CNTNAP2: variants seen among roughly 807,000 people sequenced by gnomAD.
CNTNAP2 encodes contactin associated protein 2, also known as contactin-associated protein-like 2.
CNTNAP2 carries 98 observed loss-of-function variants against 155.2 expected under a neutral mutation model. That is an observed-to-expected ratio of 0.63 (90% CI 0.54 to 0.75). The LOEUF is 0.75. CNTNAP2 is among the 30% of genes least tolerant of loss of function. The pLI, the probability that CNTNAP2 is intolerant of heterozygous loss-of-function variation, is 0.00. For synonymous variants in CNTNAP2, 651 were observed against 631.2 expected, an observed-to-expected ratio of 1.03 and a Z score of -0.47; for missense variants, 1,727 against 1,688.1, an observed-to-expected ratio of 1.02 and a Z score of -0.40.
intron 2 of CNTNAP2, among the ~76,000 whole-genome samples, chr7:146,830,291 C>G (rs1384168153): frequency 1.3e-5 from 2 of 151,994 alleles, no homozygotes; most frequent in African/African-American, 4.8e-5. Context: ...AGAATCACTT[C>G]TAGAACAATT....
At chr7:146,833,080 T>C (rs1221590263) in intron 2 of CNTNAP2, among the ~76,000 whole-genome samples, 1 of 152,184 alleles carries the variant, frequency 6.6e-6, no homozygotes, top group Non-Finnish European at 1.5e-5. Flanking sequence ...AACTTTTGCA[T>C]TTCTAAAACT....
intron 1 of CNTNAP2, among the ~76,000 whole-genome samples, chr7:146,675,349 T>C (rs1800380740): frequency 6.6e-6 from 1 of 152,192 alleles, no homozygotes; most frequent in Non-Finnish European, 1.5e-5. Flanking sequence ...AAACCTGATA[T>C]GTATTTACAT....
At chr7:148,062,750 T>G (rs1377970134) in intron 15 of CNTNAP2, among the ~76,000 whole-genome samples, 1 of 152,128 alleles carries the variant, frequency 6.6e-6, no homozygotes, top group Non-Finnish European at 1.5e-5. Context: ...AAAAATGAGT[T>G]AAGGCTAGAA....
At chr7:146,726,485 G>C (rs1464259562) in intron 1 of CNTNAP2, among the ~76,000 whole-genome samples, 1 of 151,878 alleles carries the variant, frequency 6.6e-6, no homozygotes, top group Non-Finnish European at 1.5e-5. Context: ...ATTTTCAATT[G>C]TATAACAAGT....
rs151149079 is a variant in CNTNAP2 at position 147,151,613 on chromosome 7, G to A, written c.1348+19104G>A. On this transcript the variant is annotated intron_variant, in intron 8 of 23. Coordinates refer to ENST00000361727, the MANE Select transcript of CNTNAP2 (RefSeq NM_014141.6). ...GTGTTTCCATTCTTCACTTTCACCTGTGTAAACATAATTGTTTTGTTTCTT... is the reference window on the plus strand; with the variant it reads ...GTGTTTCCATTCTTCACTTTCACCTATGTAAACATAATTGTTTTGTTTCTT... Among the ~76,000 whole-genome samples the A allele has an allele frequency of 9.0e-4, 137 of 151,954 alleles. 1 individual carries two copies. Among genetic ancestry groups the A allele is most frequent in the African/African-American group, 3.0e-3 (124 of 41,442 alleles).
chr7:147,803,151 T>C (rs891331102), intron 13 of CNTNAP2, among the ~76,000 whole-genome samples: 8 of 152,166 alleles, frequency 5.3e-5, no homozygotes, highest in African/African-American at 1.7e-4. Context: ...AAAAATGTTT[T>C]TACTGAGAAT....
intron 1 of CNTNAP2, among the ~76,000 whole-genome samples, chr7:146,651,483 T>C (rs1380423532): frequency 1.3e-5 from 2 of 152,272 alleles, no homozygotes; most frequent in Non-Finnish European, 2.9e-5. Context: ...ACGTACTTTG[T>C]TATTGATAGT....
chr7:147,744,673 G>T (rs561924605), intron 13 of CNTNAP2, among the ~76,000 whole-genome samples: 78 of 152,292 alleles, frequency 5.1e-4, no homozygotes, highest in African/African-American at 1.8e-3. Flanking sequence ...TACCCTCAGG[G>T]TTGTTTTCTG....
intron 1 of CNTNAP2, among the ~76,000 whole-genome samples, chr7:146,740,311 C>T (rs1302650427): frequency 6.6e-6 from 1 of 150,400 alleles, no homozygotes; most frequent in Non-Finnish European, 1.5e-5. Flanking sequence ...TAATTTAATC[C>T]CTCTAATGAA....
chr7:148,283,307 G>GAAAA (rs869305935), intron 21 of CNTNAP2, among the ~76,000 whole-genome samples: 2 of 58,336 alleles, frequency 3.4e-5, no homozygotes, highest in Admixed American at 1.7e-4. Flanking sequence ...AAGAAAGAAA[G>GAAAA]GAAGGAAGGA....
intron 1 of CNTNAP2, among the ~76,000 whole-genome samples, chr7:146,604,922 T>G (rs347192): frequency 0.65 from 65,719 of 101,778 alleles, 21,955 homozygotes; most frequent in African/African-American, 0.81. Flanking sequence ...TGGGGACTGT[T>G]GTGGGGTGGG....
At chr7:146,638,732 G>C (rs939965487) in intron 1 of CNTNAP2, among the ~76,000 whole-genome samples, 2 of 151,452 alleles carry the variant, frequency 1.3e-5, no homozygotes, top group African/African-American at 4.8e-5. Flanking sequence ...TGATCCACCC[G>C]CCTCGGCCTC....
At chr7:148,303,499 G>A (rs775856704) in intron 21 of CNTNAP2, among the ~76,000 whole-genome samples, 23 of 152,136 alleles carry the variant, frequency 1.5e-4, no homozygotes, top group Non-Finnish European at 1.6e-4. Flanking sequence ...TAAGTCCCTC[G>A]GGGCCTATAA....
chr7:146,204,349 TA>T (rs1245948087), intron 1 of CNTNAP2, among the ~76,000 whole-genome samples: 1 of 152,160 alleles, frequency 6.6e-6, no homozygotes, highest in Non-Finnish European at 1.5e-5. Context: ...TTAAAACCTG[TA>T]ATCAGAGGAA....
intron 8 of CNTNAP2, among the ~76,000 whole-genome samples, chr7:147,264,128 TCAGA>T (rs1428466701): frequency 6.6e-6 from 1 of 152,048 alleles, no homozygotes; most frequent in Admixed American, 6.6e-5. Flanking sequence ...TTTGAAAAGG[TCAGA>T]CAAAGGCAAG....
intron 4 of CNTNAP2, among the ~76,000 whole-genome samples, chr7:147,105,563 T>C (rs1193242164): frequency 6.6e-6 from 1 of 152,030 alleles, no homozygotes; most frequent in African/African-American, 2.4e-5. Flanking sequence ...TGGATGTTCT[T>C]TACATTGTTG....
At chr7:146,919,878 G>C (rs1796466605) in intron 3 of CNTNAP2, among the ~76,000 whole-genome samples, 2 of 152,070 alleles carry the variant, frequency 1.3e-5, no homozygotes, top group Non-Finnish European at 2.9e-5. Context: ...GTAGTTCTTG[G>C]AGCACAAGTT....
chr7:147,833,467 A>G (rs924881632), intron 13 of CNTNAP2, among the ~76,000 whole-genome samples: 5 of 152,120 alleles, frequency 3.3e-5, no homozygotes, highest in African/African-American at 9.7e-5. Flanking sequence ...AAGGGATCTG[A>G]TGTGGGTCAC....
At chr7:147,260,023 G>T (rs889918935) in intron 8 of CNTNAP2, among the ~76,000 whole-genome samples, 2 of 152,170 alleles carry the variant, frequency 1.3e-5, no homozygotes, top group Admixed American at 6.6e-5. Flanking sequence ...TGTTGGAGAC[G>T]ACTGGCAAGT....
Sources: allele counts gnomAD v4.1 joint callset (sites outside exome capture counted in the v4.1 genomes callset), GRCh38; gene constraint gnomAD v4.1.1; transcripts MANE v1.5; gene names NCBI Gene and HGNC (gene_info 2026-07-23, HGNC 2026-07-21).